Variants in SLC4A10 observed in about 807,000 individuals in gnomAD.
SLC4A10 encodes the protein sodium-driven chloride bicarbonate exchanger.
In SLC4A10, 42 loss-of-function variants were observed where a neutral mutation model predicts 137.7. The observed-to-expected ratio is 0.30, with a 90% CI of 0.24 to 0.39. The LOEUF (loss-of-function observed/expected upper bound fraction) is 0.39. SLC4A10 is among the 10% of genes least tolerant of loss of function. SLC4A10 has a pLI of 1.00. For missense variants in SLC4A10, 925 were observed against 1,355.0 expected, an observed-to-expected ratio of 0.68 and a Z score of 4.98; for synonymous variants, 474 against 464.1, an observed-to-expected ratio of 1.02 and a Z score of -0.27.
At chr2:161,971,045 T>C (rs1199838612) in intron 23 of SLC4A10, among the ~76,000 whole-genome samples, 1 of 152,254 alleles carries the variant, frequency 6.6e-6, no homozygotes, top group Non-Finnish European at 1.5e-5. Context: ...TTGACTTTGG[T>C]ACTTTTCATA....
chr2:161,755,280 A>G (rs1182650184), intron 1 of SLC4A10, among the ~76,000 whole-genome samples: 2 of 152,200 alleles, frequency 1.3e-5, no homozygotes, highest in Non-Finnish European at 2.9e-5. Flanking sequence ...TTATATTCAT[A>G]TCACATTAAT....
At chr2:161,897,647 A>G (rs1291972289) in intron 11 of SLC4A10, among the ~76,000 whole-genome samples, 1 of 152,162 alleles carries the variant, frequency 6.6e-6, no homozygotes, top group Non-Finnish European at 1.5e-5. Context: ...CCATTTTGTG[A>G]TTATGTAACT....
At chr2:161,628,645 A>G (rs2032924831) in intron 1 of SLC4A10, among the ~76,000 whole-genome samples, 2 of 152,198 alleles carry the variant, frequency 1.3e-5, no homozygotes, top group Non-Finnish European at 1.5e-5. Context: ...GAGTTTAAAG[A>G]AAACATACTC....
At position 161,839,904 on chromosome 2, in the gene SLC4A10, C is replaced by T. The variant is rs2084543; in HGVS notation, c.393C>T (p.Asp131=). ...LDEICWREGE[D]AEWRETARWL... ...AGATTTGTTGGCGTGAAGGTGAGGACGCTGAGTGGCGAGAAACAGCCAGGT... is the reference window on the plus strand; with the variant it reads ...AGATTTGTTGGCGTGAAGGTGAGGATGCTGAGTGGCGAGAAACAGCCAGGT... The change falls in exon 4 of 27, where the codon GAC becomes GAT. Residue 131 remains aspartate, a synonymous_variant. Transcript: ENST00000446997. 115,085 of 1,613,532 alleles carry T rather than the reference C, an allele frequency of 0.071. 4,603 individuals are homozygous for T. Among genetic ancestry groups the T allele is most frequent in the East Asian group, 0.12 (5,478 of 44,862 alleles).
At chr2:161,892,262 C>A (rs2105182991) in intron 10 of SLC4A10, among the ~76,000 whole-genome samples, 1 of 152,048 alleles carries the variant, frequency 6.6e-6, no homozygotes, top group Non-Finnish European at 1.5e-5. Context: ...AGAAAGATTT[C>A]AAGAGAGTTG....
intron 22 of SLC4A10, 103 bp downstream of exon 22, chr2:161,964,411 C>T: frequency 8.1e-7 from 1 of 1,237,772 alleles, no homozygotes; most frequent in Non-Finnish European, 1.1e-6. Context: ...TCATTTTGAA[C>T]AATTATTGGA....
chr2:161,669,500 A>C (rs931286740), intron 1 of SLC4A10, among the ~76,000 whole-genome samples: 4 of 151,958 alleles, frequency 2.6e-5, no homozygotes, highest in African/African-American at 9.7e-5. Context: ...TAAATGTGCC[A>C]TAGTTACTTT....
In SLC4A10 at chr2:161,804,522, T is replaced by A; in HGVS notation, c.204T>A (p.Arg68=). The change falls in exon 3 of 27, where the codon CGT becomes CGA. Residue 68 remains arginine, a synonymous_variant. Coordinates refer to ENST00000446997, the MANE Select transcript of SLC4A10 (RefSeq NM_001178015.2). ...AAAGCCATCGACGTCACAGGCATCG[T>A]GGTCATAAACACAGAAAGAGAGACA... ...GRKSHRRHRH[R]GHKHRKRDRE... The A allele has an allele frequency of 6.2e-7, 1 of 1,613,184 alleles. No individual in the cohort carries two copies. The highest frequency in any genetic ancestry group is 8.5e-7 in the Non-Finnish European group (1 of 1,179,454).
chr2:161,962,099 G>T (rs1477627060), intron 21 of SLC4A10, among the ~76,000 whole-genome samples: 2 of 152,194 alleles, frequency 1.3e-5, no homozygotes, highest in Non-Finnish European at 2.9e-5. Context: ...AATATAATCA[G>T]TTCCAGCAGC....
intron 1 of SLC4A10, among the ~76,000 whole-genome samples, chr2:161,651,610 G>A (rs368511033): frequency 1.1e-4 from 17 of 152,242 alleles, no homozygotes; most frequent in Middle Eastern, 3.4e-3. Flanking sequence ...GCTTCTGGGC[G>A]CCACCACATT....
intron 1 of SLC4A10, among the ~76,000 whole-genome samples, chr2:161,692,806 C>T (rs1403716569): frequency 6.6e-6 from 1 of 151,980 alleles, no homozygotes. Context: ...ACTAACTCGT[C>T]CAAGTTCGAT....
chr2:161,932,742 C>A (rs1435067051), intron 15 of SLC4A10, among the ~76,000 whole-genome samples: 1 of 152,176 alleles, frequency 6.6e-6, no homozygotes, highest in Non-Finnish European at 1.5e-5. Flanking sequence ...CTACCACAAT[C>A]TTTACTACTG....
intron 15 of SLC4A10, among the ~76,000 whole-genome samples, chr2:161,928,932 T>C (rs1322941404): frequency 6.6e-6 from 1 of 152,226 alleles, no homozygotes; most frequent in African/African-American, 2.4e-5. Context: ...ATATCTACGA[T>C]AGTGCTATCT....
At chr2:161,964,345 G>A in intron 22 of SLC4A10, 37 bp downstream of exon 22, 1 of 1,598,676 alleles carries the variant, frequency 6.3e-7, no homozygotes, top group South Asian at 1.1e-5. Context: ...CTCTTTCTCT[G>A]ATTTGCTGGT....
chr2:161,690,534 G>A (rs1039818497), intron 1 of SLC4A10, among the ~76,000 whole-genome samples: 1 of 152,046 alleles, frequency 6.6e-6, no homozygotes, highest in African/African-American at 2.4e-5. Flanking sequence ...CAAAGACATG[G>A]AATCAACCCA....
intron 10 of SLC4A10, among the ~76,000 whole-genome samples, chr2:161,891,263 A>G (rs2062882889): frequency 6.6e-6 from 1 of 151,814 alleles, no homozygotes; most frequent in African/African-American, 2.4e-5. Flanking sequence ...GAATCTGATG[A>G]TTTTGTGTTT....
At chr2:161,773,535 T>G (rs961205532) in intron 2 of SLC4A10, among the ~76,000 whole-genome samples, 16 of 151,918 alleles carry the variant, frequency 1.1e-4, no homozygotes, top group Non-Finnish European at 2.2e-4. Context: ...AAATAAACTC[T>G]TAAAATTTTA....
At chr2:161,679,557 C>T (rs922059538) in intron 1 of SLC4A10, among the ~76,000 whole-genome samples, 2 of 151,928 alleles carry the variant, frequency 1.3e-5, no homozygotes, top group African/African-American at 4.8e-5. Context: ...ATTAGTGTTC[C>T]TCAAGTTACC....
At chr2:161,819,661 A>AT (rs2057445318) in intron 3 of SLC4A10, among the ~76,000 whole-genome samples, 1 of 151,764 alleles carries the variant, frequency 6.6e-6, no homozygotes, top group Non-Finnish European at 1.5e-5. Context: ...CAGCCAGCTA[A>AT]TTTTTTGTAT....
Sources: gnomAD v4.1 joint callset for allele counts (sites outside exome capture counted in the v4.1 genomes callset) on GRCh38, gnomAD v4.1.1 for gene constraint, MANE v1.5 for transcripts, NCBI Gene and HGNC (gene_info 2026-07-23, HGNC 2026-07-21) for gene names.